Variants in NFS1 observed in about 807,000 individuals in gnomAD.
NFS1 encodes the protein cysteine desulfurase.
NFS1 carries 26 observed loss-of-function variants against 57.3 expected under a neutral mutation model. That is an observed-to-expected ratio of 0.45 (90% CI 0.33 to 0.63). The LOEUF (loss-of-function observed/expected upper bound fraction) is 0.63. Among genes scored for constraint, NFS1 ranks in the 20% least tolerant of loss-of-function variants. The pLI, the probability that NFS1 is intolerant of heterozygous loss-of-function variation, is 0.02. For synonymous variants in NFS1, 209 were observed against 216.3 expected (o/e 0.97, Z 0.30); for missense variants, 505 against 605.8 (o/e 0.83, Z 1.75).
At chr20:35,694,877 A>C (rs2035105834) in intron 4 of NFS1, 2 of 154,906 alleles carry the variant, frequency 1.3e-5, no homozygotes, top group Non-Finnish European at 2.8e-5. Flanking sequence ...TGACAGAGTG[A>C]GACTCAGTCT....
intron 1 of NFS1, chr20:35,698,963 A>G: frequency 7.6e-7 from 1 of 1,319,192 alleles, no homozygotes; most frequent in Non-Finnish European, 9.6e-7. Context: ...AGCGGTCTGA[A>G]GGACGCGCCT....
intron 12 of NFS1, among the ~76,000 whole-genome samples, chr20:35,670,561 T>G (rs1024015466): frequency 1.3e-5 from 2 of 152,222 alleles, no homozygotes. Flanking sequence ...TCCATGGCCC[T>G]TAAAGTTAGC....
Position 35,669,641 on chromosome 20 carries a change from A to C in NFS1, c.1355T>G (p.Ile452Ser). The change falls in exon 13 of 13, where the codon ATC becomes AGC. Residue 452 changes from isoleucine (I) to serine (S), a missense_variant. Ile to Ser is a moderately radical substitution (Grantham distance 142, BLOSUM62 -2). Coordinates refer to ENST00000374092, the MANE Select transcript of NFS1 (RefSeq NM_021100.5). ...ATTCTTCTAGTGTTGGGTCCACTTG[A>C]TGCTCTTGAGGTCAATGCCATCCTG... ...MVQDGIDLKS[I>S]KWTQH is the part of the protein sequence containing the mutation. 1 of 1,614,076 alleles carries C rather than the reference A, an allele frequency of 6.2e-7. No homozygotes were observed. Among genetic ancestry groups the C allele is most frequent in the Non-Finnish European group, 8.5e-7 (1 of 1,179,950 alleles).
intron 12 of NFS1, 103 bp from the exon 13 acceptor site, chr20:35,669,788 C>G (rs1268639292): frequency 9.5e-7 from 1 of 1,048,928 alleles, no homozygotes; most frequent in African/African-American, 1.6e-5. Flanking sequence ...CTGTCCCTGT[C>G]TGTCCTCTGC....
intron 4 of NFS1, among the ~76,000 whole-genome samples, chr20:35,696,038 C>CA (rs368641798): frequency 8.9e-4 from 118 of 132,162 alleles, no homozygotes; most frequent in Admixed American, 3.1e-3. Flanking sequence ...GACTATGTAT[C>CA]AAAAAAAAAA....
Position 35,669,574 on chromosome 20 carries a change from G to A in NFS1, c.*48C>T, listed in dbSNP as rs1330266327. 1 of 1,559,928 alleles carries A rather than the reference G, an allele frequency of 6.4e-7. No homozygotes were observed. Among genetic ancestry groups the A allele is most frequent in the South Asian group, 1.1e-5 (1 of 89,904 alleles). On this transcript the variant is annotated 3_prime_UTR_variant, in exon 13 of 13. Coordinates refer to ENST00000374092, the MANE Select transcript of NFS1 (RefSeq NM_021100.5). ...CAAGGTGTCTGGTTGTGCACGGGTTGGTGAGGCAGGAGGGGCCAGACCAGC... is the reference window on the plus strand; with the variant it reads ...CAAGGTGTCTGGTTGTGCACGGGTTAGTGAGGCAGGAGGGGCCAGACCAGC...
At chr20:35,697,486 T>C (rs1210498071) in intron 3 of NFS1, among the ~76,000 whole-genome samples, 198 bp downstream of exon 3, 1 of 152,164 alleles carries the variant, frequency 6.6e-6, no homozygotes, top group East Asian at 1.9e-4. Flanking sequence ...ATTAGATAAC[T>C]TGCCCAAGTC....
At position 35,674,541 on chromosome 20, in the gene NFS1, A is replaced by C. The variant is rs755044714; in HGVS notation, c.1025T>G (p.Met342Arg). 1 of 1,614,226 alleles carries C rather than the reference A, an allele frequency of 6.2e-7. No individual in the cohort carries two copies. Among genetic ancestry groups the C allele is most frequent in the Non-Finnish European group, 8.5e-7 (1 of 1,180,016 alleles). ...NIMKSLPDVV[M>R]NGDPKHHYPG... Reference sequence around the variant, plus strand: ...ATAATGGTGCTTAGGGTCCCCATTCATCACCACATCTGGAAGGCTCTTCAT... The same window carrying C: ...ATAATGGTGCTTAGGGTCCCCATTCCTCACCACATCTGGAAGGCTCTTCAT... The change falls in exon 9 of 13, where the codon ATG becomes AGG. Residue 342 changes from methionine to arginine, a missense_variant. Transcript: ENST00000374092.
chr20:35,697,614 G>C, intron 3 of NFS1, 70 bp downstream of exon 3: 1 of 1,004,964 alleles, frequency 1.0e-6, no homozygotes, highest in African/African-American at 1.6e-5. Context: ...CACCTACCAA[G>C]AAAGAAATGC....
chr20:35,670,745 G>A (rs1472894666), intron 12 of NFS1, among the ~76,000 whole-genome samples: 3 of 152,210 alleles, frequency 2.0e-5, no homozygotes, highest in East Asian at 1.9e-4. Flanking sequence ...TGCTGGCCAC[G>A]TGGTCAGTAG....
At chr20:35,676,755 T>C (rs1254201636) in intron 7 of NFS1, among the ~76,000 whole-genome samples, 1 of 7,444 alleles carries the variant, frequency 1.3e-4, no homozygotes, top group Non-Finnish European at 2.5e-4. Context: ...CCAGAGAAAA[T>C]CAGAAAAAAA....
chr20:35,670,738 T>C (rs1470703601), intron 12 of NFS1, among the ~76,000 whole-genome samples: 1 of 152,172 alleles, frequency 6.6e-6, no homozygotes, highest in Non-Finnish European at 1.5e-5. Flanking sequence ...AAGGCTTTGC[T>C]GGCCACGTGG....
chr20:35,699,316 A>C lies in NFS1; in HGVS notation c.-28T>G. On this transcript the variant is annotated 5_prime_UTR_variant, in exon 1 of 13. Coordinates refer to ENST00000374092, the MANE Select transcript of NFS1 (RefSeq NM_021100.5). This position sits in a 1 kb window ranked among gnomAD's most constrained non-coding sequence, Gnocchi z 4.4. ...TCCCGCTGGCAGAGCCCACCTTCCG[A>C]AGCCGCTGCAGTCCTGGGCCCCAGG... 7.2e-7 allele frequency: 1 copy of C among 1,396,094 alleles called. No individual in the cohort carries two copies. The highest frequency in any genetic ancestry group is 9.2e-7 in the Non-Finnish European group (1 of 1,081,840). 86.5% of individuals were successfully genotyped at this position (1,396,094 alleles called of 1,614,324 possible).
Position 35,669,442 on chromosome 20 carries a change from A to G in NFS1, c.*180T>C, listed in dbSNP as rs1432465927. 3.3e-6 allele frequency: 2 copies of G among 614,720 alleles called. No individual in the cohort carries two copies. Among genetic ancestry groups the G allele is most frequent in the East Asian group, 5.3e-5 (2 of 37,612 alleles). 38.1% of individuals were successfully genotyped at this position (614,720 alleles called of 1,614,324 possible). On this transcript the variant is annotated 3_prime_UTR_variant, in exon 13 of 13. Transcript: ENST00000374092. ...AGAAATGGGGAGTGCTCCACACCCA[A>G]GGAACTGAAGCTAGGGAAAGACAGT... is the stretch of plus-strand genomic sequence containing the variant.
At chr20:35,674,469 C>T (rs770244725) in intron 9 of NFS1, 38 bp from the exon 10 acceptor site, 5 of 1,608,956 alleles carry the variant, frequency 3.1e-6, no homozygotes, top group Non-Finnish European at 4.3e-6. Flanking sequence ...GTCTCAGAGT[C>T]TCAGCCTCTA....
intron 5 of NFS1, among the ~76,000 whole-genome samples, chr20:35,688,743 G>C (rs952204364): frequency 6.7e-5 from 10 of 150,028 alleles, no homozygotes; most frequent in Non-Finnish European, 1.5e-4. Flanking sequence ...GAGAGAGAGA[G>C]GGAGGGAGGA....
chr20:35,691,908 C>T (rs998324265), intron 4 of NFS1, among the ~76,000 whole-genome samples: 1 of 151,288 alleles, frequency 6.6e-6, no homozygotes, highest in African/African-American at 2.4e-5. Context: ...AATGGCCAGG[C>T]GCGGTGGCTC....
At chr20:35,675,500 G>A (rs1601518948) in intron 7 of NFS1, 1 of 376,356 alleles carries the variant, frequency 2.7e-6, no homozygotes, top group Non-Finnish European at 4.8e-6. Context: ...CAAAAATACT[G>A]GGAACAACTT....
intron 6 of NFS1, among the ~76,000 whole-genome samples, chr20:35,681,507 G>C (rs1049818333): frequency 6.6e-6 from 1 of 152,192 alleles, no homozygotes; most frequent in African/African-American, 2.4e-5. Flanking sequence ...AGACCAGCCT[G>C]GCCAACATGG....
Sources: gnomAD v4.1 joint callset for allele counts (sites outside exome capture counted in the v4.1 genomes callset) on GRCh38, gnomAD v4.1.1 for gene constraint, Gnocchi (gnomAD v3.1) non-coding constraint, MANE v1.5 for transcripts, NCBI Gene and HGNC (gene_info 2026-07-23, HGNC 2026-07-21) for gene names.